Variants in COMMD1 observed in about 807,000 individuals in gnomAD.
COMMD1 encodes COMM domain-containing protein 1.
COMMD1 carries 10 observed loss-of-function variants against 17.2 expected under a neutral mutation model. That is an observed-to-expected ratio of 0.58 (90% CI 0.36 to 0.99). The LOEUF is 0.99. Among genes scored for constraint, COMMD1 ranks in the 50% least tolerant of loss-of-function variants. The probability of loss-of-function intolerance (pLI) is 0.01; values close to 1 mark genes in which losing one functional copy is unlikely to be tolerated. For synonymous variants in COMMD1, 97 were observed against 91.6 expected (o/e 1.06, Z -0.34); for missense variants, 270 against 231.8 (o/e 1.17, Z -1.07).
At chr2:62,041,986 T>G (rs1004975879) in intron 2 of COMMD1, among the ~76,000 whole-genome samples, 1 of 152,222 alleles carries the variant, frequency 6.6e-6, no homozygotes, top group Non-Finnish European at 1.5e-5. Context: ...CGCTGCTGGC[T>G]CTGGTGGCCT....
At chr2:62,059,088 T>A (rs906106554) in intron 2 of COMMD1, among the ~76,000 whole-genome samples, 6 of 152,220 alleles carry the variant, frequency 3.9e-5, no homozygotes, top group African/African-American at 1.4e-4. Context: ...ACAAATTTTC[T>A]TCTTAAGGTT....
intron 2 of COMMD1, among the ~76,000 whole-genome samples, chr2:62,122,763 C>G (rs1307518689): frequency 1.3e-5 from 2 of 152,154 alleles, no homozygotes; most frequent in African/African-American, 4.8e-5. Flanking sequence ...TAGCTTTTTT[C>G]TAACCAAGAA....
At chr2:62,009,451 A>G (rs965837691) in intron 2 of COMMD1, among the ~76,000 whole-genome samples, 1 of 152,112 alleles carries the variant, frequency 6.6e-6, no homozygotes, top group Non-Finnish European at 1.5e-5. Context: ...CTGAAAATAC[A>G]AAAGTTTGCC....
chr2:62,021,431 G>A (rs1477573919), intron 2 of COMMD1, among the ~76,000 whole-genome samples: 1 of 152,100 alleles, frequency 6.6e-6, no homozygotes, highest in Non-Finnish European at 1.5e-5. Context: ...GAAAGCTAAG[G>A]GTGGAGCTTT....
intron 2 of COMMD1, among the ~76,000 whole-genome samples, chr2:62,108,147 G>A (rs1018178539): frequency 6.6e-6 from 1 of 152,150 alleles, no homozygotes; most frequent in Non-Finnish European, 1.5e-5. Context: ...GAATGATAAA[G>A]TATACATTGG....
intron 2 of COMMD1, among the ~76,000 whole-genome samples, chr2:62,135,109 C>T (rs574943227): frequency 6.6e-5 from 10 of 152,150 alleles, no homozygotes; most frequent in African/African-American, 2.4e-4. Flanking sequence ...TCGGCGTCAT[C>T]CAGAGCTGAG....
intron 1 of COMMD1, among the ~76,000 whole-genome samples, chr2:61,939,269 C>T (rs953304480): frequency 2.8e-5 from 4 of 143,734 alleles, no homozygotes; most frequent in African/African-American, 7.8e-5. Context: ...CTGGCTAACA[C>T]GGTGAAACCC....
chr2:62,081,344 C>A (rs543167489), intron 2 of COMMD1, among the ~76,000 whole-genome samples: 1 of 151,752 alleles, frequency 6.6e-6, no homozygotes, highest in African/African-American at 2.4e-5. Flanking sequence ...CTCCGCCTCC[C>A]GGGTTCAAGC....
At chr2:61,892,293 ATACT>A (rs1380484351) in intron 1 of COMMD1, among the ~76,000 whole-genome samples, 1 of 152,140 alleles carries the variant, frequency 6.6e-6, no homozygotes, top group African/African-American at 2.4e-5. Context: ...CAAAACAATA[ATACT>A]TTGTCAGCCA....
At chr2:62,017,918 C>T (rs373796317) in intron 2 of COMMD1, among the ~76,000 whole-genome samples, 6 of 151,710 alleles carry the variant, frequency 4.0e-5, no homozygotes, top group East Asian at 2.0e-4. Flanking sequence ...GTGGCATGCA[C>T]CTGTAGTCTC....
chr2:62,018,032 G>A (rs145195039), intron 2 of COMMD1, among the ~76,000 whole-genome samples: 15 of 151,710 alleles, frequency 9.9e-5, no homozygotes, highest in African/African-American at 3.1e-4. Context: ...CTGGGCGTCA[G>A]AGCATGACCT....
chr2:62,011,976 A>G (rs946383209), intron 2 of COMMD1, among the ~76,000 whole-genome samples: 1 of 152,156 alleles, frequency 6.6e-6, no homozygotes, highest in Non-Finnish European at 1.5e-5. Flanking sequence ...GACTGGGCGC[A>G]GTGACTCGTG....
At chr2:61,920,426 T>A (rs1038125166) in intron 1 of COMMD1, among the ~76,000 whole-genome samples, 5 of 151,668 alleles carry the variant, frequency 3.3e-5, no homozygotes, top group African/African-American at 4.8e-5. Context: ...TTTTTTTTTT[T>A]AAACTTTGTA....
intron 1 of COMMD1, among the ~76,000 whole-genome samples, chr2:61,991,672 T>C (rs181053599): frequency 2.6e-5 from 4 of 152,292 alleles, no homozygotes; most frequent in African/African-American, 7.2e-5. Context: ...TTGAAGGTGA[T>C]GATAAGACAT....
intron 2 of COMMD1, among the ~76,000 whole-genome samples, chr2:62,058,411 G>T (rs757007966): frequency 2.6e-5 from 4 of 152,042 alleles, no homozygotes; most frequent in Non-Finnish European, 4.4e-5. Context: ...TTGAGACAAG[G>T]GTCTCACTGT....
chr2:61,934,845 T>C (rs952633469), intron 1 of COMMD1, among the ~76,000 whole-genome samples: 3 of 152,204 alleles, frequency 2.0e-5, no homozygotes, highest in African/African-American at 7.2e-5. Context: ...CTCATACCCC[T>C]AGGCTCAAGC....
intron 2 of COMMD1, among the ~76,000 whole-genome samples, chr2:62,085,443 T>G (rs1361615207): frequency 2.6e-5 from 4 of 151,952 alleles, no homozygotes; most frequent in African/African-American, 9.7e-5. Context: ...GGTCTCAATC[T>G]CCTGACCTCG....
At chr2:61,962,144 T>G (rs2103697249) in intron 1 of COMMD1, among the ~76,000 whole-genome samples, 1 of 152,334 alleles carries the variant, frequency 6.6e-6, no homozygotes, top group East Asian at 1.9e-4. Context: ...CTTAGTCATA[T>G]GATGCTGGGG....
At chr2:61,908,946 C>CG (rs993868995) in intron 1 of COMMD1, among the ~76,000 whole-genome samples, 2 of 151,852 alleles carry the variant, frequency 1.3e-5, no homozygotes, top group African/African-American at 4.8e-5. Context: ...TTTTTTGAGA[C>CG]GGAGTATCGC....
Sources: gnomAD v4.1 joint callset for allele counts (sites outside exome capture counted in the v4.1 genomes callset) on GRCh38, gnomAD v4.1.1 for gene constraint, MANE v1.5 for transcripts, NCBI Gene and HGNC (gene_info 2026-07-23, HGNC 2026-07-21) for gene names.